LMBRD2: variants seen among roughly 807,000 people sequenced by gnomAD.
LMBRD2 encodes LMBR1 domain containing 2.
A neutral mutation model predicts 94.4 loss-of-function variants in LMBRD2; 55 were observed. The ratio of observed to expected loss-of-function variants is 0.58; its 90% CI spans 0.47 to 0.73. The LOEUF (loss-of-function observed/expected upper bound fraction) is 0.73, where lower values mean the gene tolerates loss of function less well. LMBRD2 is among the 30% of genes least tolerant of loss of function. LMBRD2 has a pLI of 0.00. For missense variants in LMBRD2, 640 were observed against 831.9 expected (o/e 0.77, Z 2.84); for synonymous variants, 246 against 272.4 (o/e 0.90, Z 0.95).
At chr5:36,124,153 T>C (rs1249897783) in intron 7 of LMBRD2, 38 bp downstream of exon 7, 1 of 1,176,056 alleles carries the variant, frequency 8.5e-7, no homozygotes, top group Admixed American at 1.8e-5. Context: ...TATATAAGTG[T>C]ATATTTCAAA....
rs750605354 is a variant in LMBRD2 at position 36,116,456 on chromosome 5, T to C, written c.1436+4A>G. On this transcript the variant is annotated splice_donor_region_variant and intron_variant, in intron 11 of 17. Coordinates refer to ENST00000296603, the MANE Select transcript of LMBRD2 (RefSeq NM_001007527.2). ...CTCTTGTTTCTAAACATAATCCTACTTACATGCCACTGAAAAGAAGGCTAT... is the reference window on the plus strand; with the variant it reads ...CTCTTGTTTCTAAACATAATCCTACCTACATGCCACTGAAAAGAAGGCTAT... 6.2e-7 allele frequency: 1 copy of C among 1,611,782 alleles called. No individual in the cohort carries two copies. The highest frequency in any genetic ancestry group is 1.1e-5 in the South Asian group (1 of 90,720).
intron 4 of LMBRD2, 68 bp downstream of exon 4, chr5:36,141,039 T>C (rs1175245418): frequency 3.6e-6 from 3 of 833,118 alleles, no homozygotes; most frequent in Non-Finnish European, 6.0e-6. Flanking sequence ...TTCCAAACTA[T>C]ATTGATTGAA....
At chr5:36,137,159 G>T (rs1015301191) in intron 5 of LMBRD2, 115 bp downstream of exon 5, 1 of 629,058 alleles carries the variant, frequency 1.6e-6, no homozygotes, top group Non-Finnish European at 2.6e-6. Context: ...CATAAAATAT[G>T]TAACAATATA....
intron 14 of LMBRD2, 77 bp downstream of exon 14, chr5:36,111,078 A>T: frequency 2.3e-6 from 2 of 861,036 alleles, no homozygotes; most frequent in Non-Finnish European, 3.6e-6. Flanking sequence ...TTCACAAACT[A>T]CACAAATATT....
chr5:36,135,722 C>A (rs907708474), intron 6 of LMBRD2, among the ~76,000 whole-genome samples: 5 of 152,060 alleles, frequency 3.3e-5, no homozygotes, highest in African/African-American at 1.2e-4. Flanking sequence ...TTATTTAACA[C>A]AGAAAAATTT....
intron 1 of LMBRD2, among the ~76,000 whole-genome samples, chr5:36,150,577 C>T (rs1744671453): frequency 6.6e-6 from 1 of 152,182 alleles, no homozygotes; most frequent in Admixed American, 6.5e-5. Flanking sequence ...CAAACAAAGG[C>T]AAATGCTTTC....
At chr5:36,112,350 T>C (rs185451605) in intron 13 of LMBRD2, among the ~76,000 whole-genome samples, 202 of 152,266 alleles carry the variant, frequency 1.3e-3, no homozygotes, top group African/African-American at 4.5e-3. Context: ...GGGAAAGTTT[T>C]CTCTTTGTCT....
intron 13 of LMBRD2, 21 bp from the exon 14 acceptor site, chr5:36,111,279 A>T: frequency 6.9e-7 from 1 of 1,451,300 alleles, no homozygotes; most frequent in Non-Finnish European, 9.7e-7. Context: ...CAGATTTTTT[A>T]AAAAGACAAA....
In LMBRD2 at chr5:36,122,263, T is replaced by C; in HGVS notation, c.1120+17A>G. The stretch of plus-strand genomic sequence containing the variant: ...CTTTTCATCATTAAAGTTTGAAATT[T>C]ATATCAAATTACATACCAAATGTAG... On this transcript the variant is annotated intron_variant, in intron 9 of 17. Transcript: ENST00000296603. The C allele has an allele frequency of 6.5e-7, 1 of 1,536,486 alleles. No individual in the cohort carries two copies. Among genetic ancestry groups the C allele is most frequent in the East Asian group, 2.3e-5 (1 of 43,328 alleles).
chr5:36,120,079 T>TG (rs1170766698), intron 9 of LMBRD2, among the ~76,000 whole-genome samples: 1 of 151,420 alleles, frequency 6.6e-6, no homozygotes, highest in Non-Finnish European at 1.5e-5. Context: ...TTTTTTTTTT[T>TG]GACGGAGTCT....
At chr5:36,127,187 T>C (rs1174651446) in intron 6 of LMBRD2, among the ~76,000 whole-genome samples, 1 of 152,206 alleles carries the variant, frequency 6.6e-6, no homozygotes, top group Admixed American at 6.5e-5. Context: ...AGGAAGACAG[T>C]AAATATTTTT....
intron 1 of LMBRD2, among the ~76,000 whole-genome samples, chr5:36,146,283 G>A (rs1744535804): frequency 6.6e-6 from 1 of 152,184 alleles, no homozygotes; most frequent in Non-Finnish European, 1.5e-5. Flanking sequence ...ACATAGCATA[G>A]TTCAACTTAG....
intron 4 of LMBRD2, among the ~76,000 whole-genome samples, chr5:36,138,195 T>A (rs1744316328): frequency 6.6e-6 from 1 of 151,828 alleles, no homozygotes; most frequent in African/African-American, 2.4e-5. Flanking sequence ...CGCCAAGAGG[T>A]GAAGTAAATT....
chr5:36,149,625 G>A (rs1461853029), intron 1 of LMBRD2, among the ~76,000 whole-genome samples: 1 of 152,224 alleles, frequency 6.6e-6, no homozygotes, highest in African/African-American at 2.4e-5. Flanking sequence ...TGTAAGAATC[G>A]GCTGGGCACG....
Position 36,122,345 on chromosome 5 carries a change from A to G in LMBRD2, c.1055T>C (p.Val352Ala). 6.2e-7 allele frequency: 1 copy of G among 1,612,864 alleles called. No homozygotes were observed. The highest frequency in any genetic ancestry group is 2.2e-5 in the East Asian group (1 of 44,798). Residue 352 changes from valine to alanine, a missense_variant, in exon 9 of 18, where the codon GTT becomes GCT. Val to Ala is a moderately conservative substitution (Grantham distance 64). Transcript: ENST00000296603. ...TGGCTCTGGCGATTGAAAGGTGTGA[A>G]CAAACTGATGAGTAGCACTAGTTTC... ...KNETSATHQFVHTFQSPEPEN... is the reference protein window; with the variant it reads ...KNETSATHQFAHTFQSPEPEN...
At chr5:36,111,117 G>T (rs1365303228) in intron 14 of LMBRD2, 38 bp downstream of exon 14, 2 of 1,210,302 alleles carry the variant, frequency 1.7e-6, no homozygotes, top group Non-Finnish European at 1.2e-6. Context: ...TTAGCACTTA[G>T]TATTTTCCCT....
Position 36,111,227 on chromosome 5 carries a change from A to T in LMBRD2, c.1672T>A (p.Phe558Ile). The change falls in exon 14 of 18, where the codon TTC (phenylalanine) becomes ATC (isoleucine). Residue 558 changes from phenylalanine (F) to isoleucine (I), a missense_variant. Phe to Ile is a conservative substitution (Grantham distance 21). Coordinates refer to ENST00000296603, the MANE Select transcript of LMBRD2 (RefSeq NM_001007527.2). ...TCATCATCTCCCATAAACTGCTGGA[A>T]ACCGAGCAGATTCAAACAACGGGTT... The part of the protein sequence containing the change: ...LGTRCLNLLG[F>I]QQFMGDDDMT... 3 of 1,612,038 alleles carry T rather than the reference A, an allele frequency of 1.9e-6. No individual in the cohort carries two copies. The highest frequency in any genetic ancestry group is 2.5e-6 in the Non-Finnish European group (3 of 1,178,714).
At chr5:36,123,212 T>G (rs1743928659) in intron 7 of LMBRD2, among the ~76,000 whole-genome samples, 1 of 152,132 alleles carries the variant, frequency 6.6e-6, no homozygotes, top group Non-Finnish European at 1.5e-5. Flanking sequence ...TATAGATGGC[T>G]ATAGGCAGGG....
At position 36,150,767 on chromosome 5, in the gene LMBRD2, C is replaced by G. The variant is rs527318398; in HGVS notation, c.-58+789G>C. Among the ~76,000 whole-genome samples, 12 of 152,294 alleles carry G rather than the reference C, an allele frequency of 7.9e-5. 1 individual carries two copies. The South Asian group carries it at 2.5e-3, about 32-fold the overall frequency. ...TTACACCAATCTCATCTTTCAAGAA[C>G]GAGCTAAAGGTTCATGAATTCCTTC... On this transcript the variant is annotated intron_variant, in intron 1 of 17. Coordinates refer to ENST00000296603, the MANE Select transcript of LMBRD2 (RefSeq NM_001007527.2).
Sources: gnomAD v4.1 joint callset for allele counts (sites outside exome capture counted in the v4.1 genomes callset) on GRCh38, gnomAD v4.1.1 for gene constraint, MANE v1.5 for transcripts, NCBI Gene and HGNC (gene_info 2026-07-23, HGNC 2026-07-21) for gene names.